CSMD1: variants seen among roughly 807,000 people sequenced by gnomAD.
CSMD1 encodes the protein CUB and sushi domain-containing protein 1.
In CSMD1, 213 loss-of-function variants were observed where a neutral mutation model predicts 417.5. That is an observed-to-expected ratio of 0.51 (90% confidence interval 0.46 to 0.57). The LOEUF (loss-of-function observed/expected upper bound fraction) is 0.57. Ranked by LOEUF, CSMD1 falls within the 20% of genes least tolerant of loss-of-function variation. The pLI is 0.00. For missense variants in CSMD1, 6,923 were observed against 4,529.7 expected (o/e 1.53, Z -15.17); for synonymous variants, 2,862 against 1,736.8 (o/e 1.65, Z -16.11).
intron 3 of CSMD1, among the ~76,000 whole-genome samples, chr8:4,185,970 A>G (rs1047035131): frequency 1.3e-5 from 2 of 152,184 alleles, no homozygotes; most frequent in South Asian, 2.1e-4. Flanking sequence ...GAATACAGAA[A>G]TCATTCTTAA....
chr8:4,286,929 G>C (rs961827145), intron 3 of CSMD1, among the ~76,000 whole-genome samples: 1 of 152,100 alleles, frequency 6.6e-6, no homozygotes, highest in Non-Finnish European at 1.5e-5. Context: ...TTTTGTTATT[G>C]GATAGGAGTC....
intron 1 of CSMD1, among the ~76,000 whole-genome samples, chr8:4,937,866 A>G (rs189848334): frequency 1.8e-4 from 27 of 152,274 alleles, no homozygotes; most frequent in South Asian, 1.0e-3. Flanking sequence ...TAAAAAATAT[A>G]TATTAACATT....
At chr8:4,233,717 A>G (rs926492873) in intron 3 of CSMD1, among the ~76,000 whole-genome samples, 2 of 152,168 alleles carry the variant, frequency 1.3e-5, no homozygotes, top group Non-Finnish European at 2.9e-5. Context: ...GCCCCAACAG[A>G]CTAAGATATT....
At chr8:4,429,497 G>C (rs957025927) in intron 2 of CSMD1, among the ~76,000 whole-genome samples, 1 of 151,730 alleles carries the variant, frequency 6.6e-6, no homozygotes, top group African/African-American at 2.4e-5. Flanking sequence ...AAACAGATTA[G>C]CTTATATAAT....
intron 7 of CSMD1, among the ~76,000 whole-genome samples, chr8:3,655,393 A>C (rs1798050055): frequency 6.6e-6 from 1 of 152,218 alleles, no homozygotes; most frequent in African/African-American, 2.4e-5. Flanking sequence ...CTATTACTCT[A>C]GTCACAGTAA....
intron 5 of CSMD1, among the ~76,000 whole-genome samples, chr8:3,932,286 A>C (rs1262058045): frequency 6.6e-6 from 1 of 150,570 alleles, no homozygotes; most frequent in East Asian, 1.9e-4. Flanking sequence ...AATTCTCAAG[A>C]AGTTTTGTTG....
chr8:3,170,934 G>C (rs1318171377), intron 37 of CSMD1, among the ~76,000 whole-genome samples: 1 of 152,168 alleles, frequency 6.6e-6, no homozygotes, highest in Non-Finnish European at 1.5e-5. Flanking sequence ...ATTTAGAAAT[G>C]CCATAATAAA....
intron 3 of CSMD1, among the ~76,000 whole-genome samples, chr8:4,147,505 C>T (rs567836639): frequency 2.0e-5 from 3 of 152,284 alleles, no homozygotes; most frequent in South Asian, 4.1e-4. Context: ...ACAATCTGTT[C>T]CTGTCTCCAT....
intron 10 of CSMD1, among the ~76,000 whole-genome samples, chr8:3,566,406 A>C (rs2116893786): frequency 6.6e-6 from 1 of 152,264 alleles, no homozygotes; most frequent in South Asian, 2.1e-4. Context: ...CCCAGGACAT[A>C]CAGCCATCCC....
At chr8:3,875,640 C>T (rs6998664) in intron 5 of CSMD1, among the ~76,000 whole-genome samples, 11,044 of 152,042 alleles carry the variant, frequency 0.073, 1,042 homozygotes, top group African/African-American at 0.22. Flanking sequence ...TCACAGCCTC[C>T]GGAGCATGGA....
At chr8:3,867,949 G>A (rs1805221366) in intron 5 of CSMD1, among the ~76,000 whole-genome samples, 3 of 152,048 alleles carry the variant, frequency 2.0e-5, no homozygotes, top group Admixed American at 6.6e-5. Context: ...ATCTTTGTAT[G>A]TCTTCTCTGG....
intron 63 of CSMD1, among the ~76,000 whole-genome samples, chr8:2,957,084 T>C (rs1457181445): frequency 6.6e-6 from 1 of 152,174 alleles, no homozygotes; most frequent in Non-Finnish European, 1.5e-5. Flanking sequence ...GTGAGTGAAA[T>C]GAATAATTCA....
At chr8:3,019,730 G>A (rs1015703504) in intron 51 of CSMD1, among the ~76,000 whole-genome samples, 3 of 152,124 alleles carry the variant, frequency 2.0e-5, no homozygotes, top group Non-Finnish European at 4.4e-5. Flanking sequence ...ACTCCAGTTT[G>A]GCAAACAAGT....
At chr8:3,953,648 G>C (rs1029264823) in intron 5 of CSMD1, among the ~76,000 whole-genome samples, 5 of 152,092 alleles carry the variant, frequency 3.3e-5, no homozygotes, top group Admixed American at 6.6e-5. Context: ...CCTCACCTAA[G>C]AACGCTGGGA....
At chr8:3,106,255 G>T (rs1463961751) in intron 46 of CSMD1, among the ~76,000 whole-genome samples, 1 of 150,734 alleles carries the variant, frequency 6.6e-6, no homozygotes, top group Non-Finnish European at 1.5e-5. Context: ...AAATTAGCCA[G>T]GCATGGTGGT....
chr8:3,550,292 C>T (rs1798855235), intron 10 of CSMD1, among the ~76,000 whole-genome samples: 1 of 152,156 alleles, frequency 6.6e-6, no homozygotes, highest in South Asian at 2.1e-4. Flanking sequence ...CTCCTGTTTT[C>T]TCCAATAATT....
chr8:4,450,849 T>C (rs186653372), intron 2 of CSMD1, among the ~76,000 whole-genome samples: 6 of 152,236 alleles, frequency 3.9e-5, no homozygotes, highest in African/African-American at 1.4e-4. Context: ...GTGGTGGATG[T>C]GAGAGGAACA....
intron 50 of CSMD1, among the ~76,000 whole-genome samples, chr8:3,044,283 T>C (rs1024580135): frequency 6.6e-6 from 1 of 152,240 alleles, no homozygotes; most frequent in African/African-American, 2.4e-5. Context: ...AATTTTTATT[T>C]ATTTATTTTC....
At chr8:3,931,101 A>G (rs1011247611) in intron 5 of CSMD1, among the ~76,000 whole-genome samples, 1 of 150,790 alleles carries the variant, frequency 6.6e-6, no homozygotes, top group South Asian at 2.2e-4. Flanking sequence ...TACATATATC[A>G]TTAAAGCCTA....
Sources: allele counts gnomAD v4.1 joint callset (sites outside exome capture counted in the v4.1 genomes callset), GRCh38; gene constraint gnomAD v4.1.1; transcripts MANE v1.5; gene names NCBI Gene and HGNC (gene_info 2026-07-23, HGNC 2026-07-21).